The following CDKAL1 variants were observed in gnomAD, a reference collection of about 807,000 sequenced individuals.
The protein encoded by CDKAL1 is CDKAL1 threonylcarbamoyladenosine tRNA methylthiotransferase, also known as threonylcarbamoyladenosine tRNA methylthiotransferase.
CDKAL1 carries 32 observed loss-of-function variants against 68.2 expected under a neutral mutation model. That is an observed-to-expected ratio of 0.47 (90% confidence interval 0.35 to 0.63). CDKAL1 has a LOEUF of 0.63. Among genes scored for constraint, CDKAL1 ranks in the 30% least tolerant of loss-of-function variants. The probability of loss-of-function intolerance (pLI) is 0.00; values close to 1 mark genes in which losing one functional copy is unlikely to be tolerated. For synonymous variants in CDKAL1, 234 were observed against 244.3 expected (o/e 0.96, Z 0.39); for missense variants, 606 against 696.7 (o/e 0.87, Z 1.47).
intron 4 of CDKAL1, among the ~76,000 whole-genome samples, chr6:20,590,019 T>C (rs1765526587): frequency 6.6e-6 from 1 of 152,180 alleles, no homozygotes; most frequent in African/African-American, 2.4e-5. Context: ...TAGTGCTTAT[T>C]CCATATGACA....
At chr6:20,929,992 A>G (rs904638323) in intron 9 of CDKAL1, among the ~76,000 whole-genome samples, 2 of 152,228 alleles carry the variant, frequency 1.3e-5, no homozygotes, top group African/African-American at 4.8e-5. Context: ...TTGTCTTCAT[A>G]AAGTTGGCTT....
At chr6:20,553,912 A>C (rs2127661361) in intron 4 of CDKAL1, among the ~76,000 whole-genome samples, 1 of 146,378 alleles carries the variant, frequency 6.8e-6, no homozygotes, top group South Asian at 2.1e-4. Context: ...GTGCTCGGCC[A>C]GCTTTTAAAT....
chr6:21,168,575 C>T (rs1287200918), intron 13 of CDKAL1, among the ~76,000 whole-genome samples: 1 of 152,164 alleles, frequency 6.6e-6, no homozygotes, highest in Non-Finnish European at 1.5e-5. Flanking sequence ...GAAAGTAATA[C>T]ACCACAATTG....
intron 4 of CDKAL1, among the ~76,000 whole-genome samples, chr6:20,600,932 T>C (rs906367109): frequency 6.6e-6 from 1 of 151,998 alleles, no homozygotes; most frequent in African/African-American, 2.4e-5. Context: ...ATGAGAATTA[T>C]ATGAAATGAG....
chr6:21,122,828 AG>A (rs1774796199), intron 13 of CDKAL1, among the ~76,000 whole-genome samples: 1 of 84,870 alleles, frequency 1.2e-5, no homozygotes, highest in Admixed American at 1.4e-4. Context: ...TTTTTTTGGT[AG>A]GGGGAGGGTC....
intron 13 of CDKAL1, among the ~76,000 whole-genome samples, chr6:21,175,737 T>G (rs1230889015): frequency 1.3e-5 from 2 of 152,220 alleles, no homozygotes; most frequent in African/African-American, 2.4e-5. Context: ...TTGAAAGGTG[T>G]TGTTTGACTT....
At chr6:21,028,603 G>T (rs902587383) in intron 11 of CDKAL1, among the ~76,000 whole-genome samples, 1 of 152,026 alleles carries the variant, frequency 6.6e-6, no homozygotes, top group African/African-American at 2.4e-5. Context: ...TCAGCTCAGG[G>T]CTCCACCCTT....
At chr6:20,704,740 T>C (rs560643838) in intron 5 of CDKAL1, among the ~76,000 whole-genome samples, 1 of 152,348 alleles carries the variant, frequency 6.6e-6, no homozygotes, top group Admixed American at 6.5e-5. Context: ...AATTTGCTCA[T>C]TGTTTCTCAA....
chr6:20,890,077 T>G (rs746110510), intron 9 of CDKAL1, among the ~76,000 whole-genome samples: 2 of 152,134 alleles, frequency 1.3e-5, no homozygotes, highest in Non-Finnish European at 2.9e-5. Flanking sequence ...ATGTAGATTT[T>G]CCATCAAATA....
intron 4 of CDKAL1, among the ~76,000 whole-genome samples, chr6:20,609,006 G>T (rs1038317554): frequency 6.6e-6 from 1 of 152,108 alleles, no homozygotes; most frequent in East Asian, 1.9e-4. Context: ...ATAAAGTTAA[G>T]CATGAAGTTA....
chr6:20,735,522 G>T (rs571007370), intron 5 of CDKAL1, among the ~76,000 whole-genome samples: 1 of 152,092 alleles, frequency 6.6e-6, no homozygotes, highest in African/African-American at 2.4e-5. Flanking sequence ...CTCCCACTGG[G>T]CTCCTCCCGT....
chr6:20,839,013 T>C (rs1239764772), intron 8 of CDKAL1, among the ~76,000 whole-genome samples: 1 of 151,974 alleles, frequency 6.6e-6, no homozygotes, highest in Non-Finnish European at 1.5e-5. Flanking sequence ...TGATCACTGC[T>C]ACTTATTAAT....
At chr6:21,222,228 A>T (rs1252247723) in intron 15 of CDKAL1, among the ~76,000 whole-genome samples, 1 of 152,136 alleles carries the variant, frequency 6.6e-6, no homozygotes, top group Non-Finnish European at 1.5e-5. Context: ...CAAGTTTAAA[A>T]TTTTTGTTCA....
chr6:20,944,816 A>C (rs1764156906), intron 9 of CDKAL1, among the ~76,000 whole-genome samples: 1 of 152,174 alleles, frequency 6.6e-6, no homozygotes, highest in South Asian at 2.1e-4. Flanking sequence ...AATGGTATTA[A>C]AATTACCTTT....
At chr6:20,596,340 T>C (rs1190725767) in intron 4 of CDKAL1, among the ~76,000 whole-genome samples, 4 of 152,208 alleles carry the variant, frequency 2.6e-5, no homozygotes, top group Non-Finnish European at 4.4e-5. Flanking sequence ...GCTGTTGACT[T>C]TCTTTCAGAG....
At chr6:20,828,032 G>C (rs1046579482) in intron 8 of CDKAL1, among the ~76,000 whole-genome samples, 1 of 152,112 alleles carries the variant, frequency 6.6e-6, no homozygotes, top group African/African-American at 2.4e-5. Context: ...TCTGAAAACA[G>C]TGATGAAATA....
At chr6:20,961,296 A>G (rs1254252131) in intron 10 of CDKAL1, among the ~76,000 whole-genome samples, 1 of 152,218 alleles carries the variant, frequency 6.6e-6, no homozygotes, top group Non-Finnish European at 1.5e-5. Flanking sequence ...GCAGGAACAT[A>G]GATGGAACTA....
At chr6:20,864,388 C>T (rs1043822231) in intron 9 of CDKAL1, among the ~76,000 whole-genome samples, 2 of 151,968 alleles carry the variant, frequency 1.3e-5, no homozygotes, top group African/African-American at 4.8e-5. Context: ...GGTTAGTGTG[C>T]CTGTTAATCC....
In CDKAL1 at chr6:21,026,153, A is replaced by G. The variant is rs1297641911; in HGVS notation, c.1055+25781A>G. Among the ~76,000 whole-genome samples the G allele has an allele frequency of 4.6e-5, 7 of 152,304 alleles. No homozygotes were observed. The South Asian group carries it at 1.2e-3, about 27-fold the overall frequency. On this transcript the variant is annotated intron_variant, in intron 11 of 15. Coordinates refer to ENST00000274695, the MANE Select transcript of CDKAL1 (RefSeq NM_017774.3). ...TTCCTTTATTTGAGGTGGAGATCAT[A>G]GAAGCAAGTTAAAATTAAATAAATA...
Sources: allele counts gnomAD v4.1 joint callset (sites outside exome capture counted in the v4.1 genomes callset), GRCh38; gene constraint gnomAD v4.1.1; transcripts MANE v1.5; gene names NCBI Gene and HGNC (gene_info 2026-07-23, HGNC 2026-07-21).